PHKA1: variants seen among roughly 807,000 people sequenced by gnomAD.
PHKA1 encodes phosphorylase b kinase regulatory subunit alpha, skeletal muscle isoform.
A neutral mutation model predicts 110.2 loss-of-function variants in PHKA1; 60 were observed. That is an observed-to-expected ratio of 0.54 (90% CI 0.44 to 0.68). PHKA1 has a LOEUF of 0.68. PHKA1 is among the 30% of genes least tolerant of loss of function. The pLI, the probability that PHKA1 is intolerant of heterozygous loss-of-function variation, is 0.00. For synonymous variants in PHKA1, 316 were observed against 333.6 expected (o/e 0.95, Z 0.58); for missense variants, 801 against 942.5 (o/e 0.85, Z 1.97).
intron 4 of PHKA1, among the ~76,000 whole-genome samples, chrX:72,691,522 G>A (rs1556322036): frequency 8.9e-6 from 1 of 111,868 alleles, no homozygotes; most frequent in Admixed American, 9.5e-5. Context: ...GAATATAGAT[G>A]TCTTTCCATT....
At chrX:72,610,973 A>AT in intron 22 of PHKA1, 55 bp downstream of exon 22, 1 of 1,032,416 alleles carries the variant, frequency 9.7e-7, no homozygotes, top group Non-Finnish European at 1.4e-6. Flanking sequence ...ATAGAAACCA[A>AT]TTTTTAAAAA....
chrX:72,614,924 T>C (rs782800902), intron 21 of PHKA1, among the ~76,000 whole-genome samples: 2 of 108,769 alleles, frequency 1.8e-5, no homozygotes, highest in South Asian at 4.0e-4. Flanking sequence ...TAGGAAGATA[T>C]ATATTTGAAA....
chrX:72,655,657 C>G (rs1156823873), intron 10 of PHKA1, among the ~76,000 whole-genome samples: 1 of 110,344 alleles, frequency 9.1e-6, no homozygotes, highest in African/African-American at 3.3e-5. Flanking sequence ...GAGTCTCGCT[C>G]TGTCGCCCAG....
intron 10 of PHKA1, among the ~76,000 whole-genome samples, chrX:72,654,350 G>T (rs1197969976): frequency 8.9e-6 from 1 of 112,092 alleles, no homozygotes; most frequent in Non-Finnish European, 1.9e-5. Flanking sequence ...CTTACAAGCT[G>T]CAATCCTCTG....
At position 72,619,227 on chromosome X, in the gene PHKA1, CG is replaced by C; in HGVS notation, c.2215del (p.Arg739AspfsTer11). On this transcript the variant is annotated frameshift_variant, in exon 20 of 32. Coordinates refer to ENST00000373542, the MANE Select transcript of PHKA1 (RefSeq NM_002637.4). LOFTEE classifies it high-confidence loss of function. The part of the protein sequence containing the change: ...SFNLLDSPHP[R>X]QENQVPSVRV... ...GCACAAATTTACCTGGTTCTCCTGT[CG>C]GGGATGAGGTGAATCAAGTAAGTTG... 1 of 1,176,069 alleles carries C rather than the reference CG, an allele frequency of 8.5e-7. No homozygotes were observed. The highest frequency in any genetic ancestry group is 1.2e-6 in the Non-Finnish European group (1 of 863,480).
At chrX:72,645,466 T>C (rs969071279) in intron 13 of PHKA1, among the ~76,000 whole-genome samples, 14 of 112,445 alleles carry the variant, frequency 1.2e-4, no homozygotes, top group African/African-American at 4.5e-4. Flanking sequence ...AACCTCATGC[T>C]AATGGGCTGC....
intron 28 of PHKA1, among the ~76,000 whole-genome samples, chrX:72,596,273 G>T (rs1232564023): frequency 5.4e-5 from 6 of 111,411 alleles, no homozygotes; most frequent in African/African-American, 1.6e-4. Flanking sequence ...AGAGTAGAAC[G>T]GTAGTTGTCA....
chrX:72,669,506 A>T (rs1399382537), intron 6 of PHKA1, among the ~76,000 whole-genome samples: 1 of 102,858 alleles, frequency 9.7e-6, no homozygotes. Flanking sequence ...CATTAGGTAT[A>T]TCTCCTAATG....
intron 26 of PHKA1, 46 bp from the exon 27 acceptor site, chrX:72,602,319 T>A (rs782207093): frequency 1.6e-5 from 12 of 773,453 alleles, no homozygotes; most frequent in Non-Finnish European, 2.4e-5. Context: ...GATAATAAGG[T>A]TCAATTTCTT....
At chrX:72,703,524 A>T (rs1556330721) in intron 3 of PHKA1, among the ~76,000 whole-genome samples, 1 of 110,383 alleles carries the variant, frequency 9.1e-6, no homozygotes, top group Non-Finnish European at 1.9e-5. Flanking sequence ...ACAAAAAAAA[A>T]TTTTTAATTA....
chrX:72,585,776 GC>G (rs1459593011), intron 29 of PHKA1, among the ~76,000 whole-genome samples: 3 of 111,983 alleles, frequency 2.7e-5, no homozygotes, highest in Non-Finnish European at 5.7e-5. Context: ...TATATCCCAT[GC>G]CTGGCTCACC....
At chrX:72,694,692 A>G (rs1227204197) in intron 4 of PHKA1, among the ~76,000 whole-genome samples, 1 of 112,157 alleles carries the variant, frequency 8.9e-6, no homozygotes, top group African/African-American at 3.2e-5. Context: ...TAAGTCAGGA[A>G]TCAATAAACA....
At chrX:72,661,743 CAAAAAAAAA>C (rs782779792) in intron 8 of PHKA1, among the ~76,000 whole-genome samples, 1 of 33,112 alleles carries the variant, frequency 3.0e-5, no homozygotes, top group African/African-American at 9.4e-5. Flanking sequence ...AATGTACTGA[CAAAAAAAAA>C]AAAAAAAAAA....
intron 2 of PHKA1, 142 bp downstream of exon 2, chrX:72,712,637 T>C: frequency 1.7e-6 from 1 of 572,248 alleles, no homozygotes; most frequent in Admixed American, 2.7e-5. Context: ...TGGAATATAA[T>C]TTCAGAAAGA....
rs2054099283 is a variant in PHKA1, at chrX:72,695,712, G to A, written c.450C>T (p.Ala150=). 8.3e-7 allele frequency: 1 copy of A among 1,209,578 alleles called. No individual in the cohort carries two copies. The highest frequency in any genetic ancestry group is 1.7e-5 in the African/African-American group (1 of 57,633). The change falls in exon 4 of 32, where the codon GCC becomes GCT. Residue 150 remains alanine (A), a synonymous_variant. Transcript: ENST00000373542. ...VYLLFLAQMT[A]SGLHIIHSLD... ...CACTTCTCTCCTTGTACTGACCTGA[G>A]GCAGTCATTTGGGCTAAGAAGAGCA...
chrX:72,611,514 A>ATT (rs1439659998), intron 21 of PHKA1, among the ~76,000 whole-genome samples: 1 of 112,203 alleles, frequency 8.9e-6, no homozygotes, highest in Non-Finnish European at 1.9e-5. Flanking sequence ...CATATGACAA[A>ATT]TTACCAACTA....
intron 29 of PHKA1, among the ~76,000 whole-genome samples, chrX:72,588,843 T>A (rs1189401612): frequency 9.0e-6 from 1 of 111,447 alleles, no homozygotes; most frequent in East Asian, 2.8e-4. Flanking sequence ...ATGGATAAAT[T>A]CCTGGACACA....
intron 30 of PHKA1, 85 bp downstream of exon 30, chrX:72,584,164 G>A (rs41305397): frequency 1.3e-6 from 1 of 769,317 alleles, no homozygotes; most frequent in Non-Finnish European, 2.0e-6. Context: ...GCATGGATCT[G>A]TCACTTTGAA....
intron 16 of PHKA1, 22 bp from the exon 17 acceptor site, chrX:72,627,071 AAACAAT>A: frequency 8.8e-7 from 1 of 1,130,706 alleles, no homozygotes. Flanking sequence ...CAGAATTTTA[AAACAAT>A]CTTTGTGGTT....
Sources: allele counts gnomAD v4.1 joint callset (sites outside exome capture counted in the v4.1 genomes callset), GRCh38; gene constraint gnomAD v4.1.1; transcripts MANE v1.5; gene names NCBI Gene and HGNC (gene_info 2026-07-23, HGNC 2026-07-21).